PPP1R8: variants seen among roughly 807,000 people sequenced by gnomAD.
PPP1R8 encodes nuclear inhibitor of protein phosphatase 1.
In PPP1R8, 4 loss-of-function variants were observed where a neutral mutation model predicts 31.3. The observed-to-expected ratio is 0.13, with a 90% CI of 0.06 to 0.29. The LOEUF (loss-of-function observed/expected upper bound fraction) is 0.29. PPP1R8 is among the 10% of genes least tolerant of loss of function. The probability of loss-of-function intolerance (pLI) is 1.00; values close to 1 mark genes in which losing one functional copy is unlikely to be tolerated. For synonymous variants in PPP1R8, 170 were observed against 169.7 expected, an observed-to-expected ratio of 1.00 and a Z score of -0.01; for missense variants, 254 against 440.1, an observed-to-expected ratio of 0.58 and a Z score of 3.78.
At chr1:27,846,267 G>A (rs2089279497) in intron 5 of PPP1R8, among the ~76,000 whole-genome samples, 1 of 152,208 alleles carries the variant, frequency 6.6e-6, no homozygotes, top group African/African-American at 2.4e-5. Flanking sequence ...AACCTTCAGT[G>A]AGAAAACTCC....
intron 1 of PPP1R8, chr1:27,831,310 C>G (rs1285733306): frequency 7.9e-5 from 79 of 997,446 alleles, no homozygotes; most frequent in Non-Finnish European, 9.3e-5. Context: ...CCGCATCCCT[C>G]TGTGGTTGCT....
At chr1:27,839,138 A>G (rs1020842481) in intron 3 of PPP1R8, among the ~76,000 whole-genome samples, 2 of 152,100 alleles carry the variant, frequency 1.3e-5, no homozygotes, top group African/African-American at 4.8e-5. Context: ...CGGGAGGATC[A>G]CTTGAGCCCA....
rs564749187 is a variant in PPP1R8 at position 27,841,075 on chromosome 1, C to T, written c.333C>T (p.Ile111=). The change falls in exon 4 of 7, where the codon ATC becomes ATT. Residue 111 remains isoleucine, a synonymous_variant. Transcript: ENST00000311772. ...CTCACAAGCCTCAGCAAATTCCCATCGATTCCACGGTCTCATTTGGCGCAT... is the reference window on the plus strand; with the variant it reads ...CTCACAAGCCTCAGCAAATTCCCATTGATTCCACGGTCTCATTTGGCGCAT... ...LEPHKPQQIP[I]DSTVSFGAST... The T allele has an allele frequency of 8.7e-6, 14 of 1,614,156 alleles. No homozygotes were observed. Among genetic ancestry groups the T allele is most frequent in the South Asian group, 4.4e-5 (4 of 91,078 alleles).
chr1:27,836,179 T>TTA (rs2148615194), intron 2 of PPP1R8, among the ~76,000 whole-genome samples: 1 of 152,312 alleles, frequency 6.6e-6, no homozygotes, highest in Non-Finnish European at 1.5e-5. Context: ...TGAACTAGCG[T>TTA]TTAATGAGAC....
intron 4 of PPP1R8, among the ~76,000 whole-genome samples, chr1:27,842,730 A>T (rs1240421510): frequency 6.6e-6 from 1 of 152,196 alleles, no homozygotes; most frequent in Non-Finnish European, 1.5e-5. Context: ...TTTGAAGGAG[A>T]AAGCTACTAG....
chr1:27,842,278 G>T (rs2089229732), intron 4 of PPP1R8, among the ~76,000 whole-genome samples: 1 of 151,030 alleles, frequency 6.6e-6, no homozygotes, highest in African/African-American at 2.4e-5. Flanking sequence ...GGAGGTGGAG[G>T]TTGTGGTGAG....
rs2089325372 is a variant in PPP1R8 at position 27,850,032 on chromosome 1, T to C, written c.703-61T>C. 3 of 1,460,514 alleles carry C rather than the reference T, an allele frequency of 2.1e-6. No homozygotes were observed. The Admixed American group carries it at 6.8e-5, about 33-fold the overall frequency. 90.5% of individuals were successfully genotyped at this position (1,460,514 alleles called of 1,614,324 possible). ...CTGGAATAGAAAAAGCTAACCACTC[T>C]TGGGCCTCACCTCTTGTCTTCTCTC... On this transcript the variant is annotated intron_variant, in intron 6 of 6. Transcript: ENST00000311772.
intron 6 of PPP1R8, 150 bp from the exon 7 acceptor site, chr1:27,849,943 G>A: frequency 1.5e-6 from 1 of 684,318 alleles, no homozygotes; most frequent in Non-Finnish European, 2.5e-6. Flanking sequence ...TCATGAAATA[G>A]GTTGTCTGGA....
At chr1:27,834,510 G>C (rs745362100) in intron 2 of PPP1R8, 2 of 519,000 alleles carry the variant, frequency 3.9e-6, no homozygotes, top group Admixed American at 3.9e-5. Context: ...AAAGCCATGA[G>C]TCTTTTAAGC....
At chr1:27,847,744 C>T (rs2089299776) in intron 6 of PPP1R8, among the ~76,000 whole-genome samples, 1 of 151,914 alleles carries the variant, frequency 6.6e-6, no homozygotes, top group African/African-American at 2.4e-5. Flanking sequence ...AAAAAATAAC[C>T]TGCTCTTTAT....
Position 27,830,856 on chromosome 1 carries a change from C to A in PPP1R8, c.21C>A (p.Ser7=), listed in dbSNP as rs372091355. The change falls in exon 1 of 7, where the codon TCC becomes TCA. Residue 7 remains serine (S), a synonymous_variant. Transcript: ENST00000311772. MAAAAN[S]GSSLPLFDCP... ...GCAAGATGGCGGCAGCCGCGAACTC[C>A]GGCTCTAGCCTCCCGCTGTTCGACT... 1.9e-6 allele frequency: 3 copies of A among 1,575,952 alleles called. No homozygotes were observed. Among genetic ancestry groups the A allele is most frequent in the East Asian group, 2.3e-5 (1 of 42,574 alleles).
chr1:27,851,272 TTGGAAGTAAC>T lies in PPP1R8; in HGVS notation c.*830_*839del, dbSNP rs1334733671. 1 of 293,714 alleles carries T rather than the reference TTGGAAGTAAC, an allele frequency of 3.4e-6. No individual in the cohort carries two copies. The highest frequency in any genetic ancestry group is 6.8e-6 in the Non-Finnish European group (1 of 147,444). The allele number at this position is 293,714 out of a possible 1,614,324, so 18.2% of individuals were successfully genotyped here. ...TCAAATTAAAAAGGAAAAGATTTGT[TTGGAAGTAAC>T]TGGTGTCTCTAAGAGGAATTTTTAG... On this transcript the variant is annotated 3_prime_UTR_variant, in exon 7 of 7. Transcript: ENST00000311772.
chr1:27,850,693 C>G lies in PPP1R8; in HGVS notation c.*247C>G, dbSNP rs1215063523. The G allele has an allele frequency of 4.8e-6, 2 of 417,526 alleles. No individual in the cohort carries two copies. The highest frequency in any genetic ancestry group is 8.6e-6 in the Non-Finnish European group (2 of 233,632). The allele number at this position is 417,526 out of a possible 1,614,324, so 25.9% of individuals were successfully genotyped here. A position where few individuals can be genotyped will look rare whatever the true frequency, so the allele number is the denominator to read the frequency against. On this transcript the variant is annotated 3_prime_UTR_variant, in exon 7 of 7. Transcript: ENST00000311772. ...TCCTTTTCAATAGACTGCCCTGGCT[C>G]TTTCCTAGGCCTTCCACTACCTCCT...
rs892875947 is a variant in PPP1R8 at position 27,850,677 on chromosome 1, A to G, written c.*231A>G. 8 of 474,106 alleles carry G rather than the reference A, an allele frequency of 1.7e-5. No homozygotes were observed. Among genetic ancestry groups the G allele is most frequent in the African/African-American group, 1.3e-4 (7 of 51,974 alleles). 29.4% of individuals were successfully genotyped at this position (474,106 alleles called of 1,614,324 possible). ...AGAAAGGCTTCTTATATCCTTTTCAATAGACTGCCCTGGCTCTTTCCTAGG... is the reference window on the plus strand; with the variant it reads ...AGAAAGGCTTCTTATATCCTTTTCAGTAGACTGCCCTGGCTCTTTCCTAGG... On this transcript the variant is annotated 3_prime_UTR_variant, in exon 7 of 7. Transcript: ENST00000311772.
At position 27,850,087 on chromosome 1, in the gene PPP1R8, C is replaced by T. The variant is rs2089326182; in HGVS notation, c.703-6C>T. On this transcript the variant is annotated splice_polypyrimidine_tract_variant and splice_region_variant and intron_variant, in intron 6 of 6. Coordinates refer to ENST00000311772, the MANE Select transcript of PPP1R8 (RefSeq NM_014110.5). ...ATCTCTCCCCTCTCCTCATCGTGAA[C>T]TGTAGAAGAAGCGTGTGGAGGGCCC... 4.3e-5 allele frequency: 66 copies of T among 1,550,006 alleles called. No homozygotes were observed. The highest frequency in any genetic ancestry group is 5.7e-5 in the Non-Finnish European group (65 of 1,146,708).
At chr1:27,832,420 T>A (rs2089119332) in intron 1 of PPP1R8, among the ~76,000 whole-genome samples, 2 of 152,184 alleles carry the variant, frequency 1.3e-5, no homozygotes, top group Admixed American at 1.3e-4. Context: ...GGATTTCAGA[T>A]TCAAACTCCA....
intron 3 of PPP1R8, among the ~76,000 whole-genome samples, chr1:27,840,556 T>G (rs2089212948): frequency 6.6e-6 from 1 of 152,194 alleles, no homozygotes; most frequent in South Asian, 2.1e-4. Context: ...TCTTTTGACT[T>G]GGAGCTGGAG....
In PPP1R8 at chr1:27,847,092, G is replaced by C; in HGVS notation, c.702G>C (p.Lys234Asn). 1 of 1,613,498 alleles carries C rather than the reference G, an allele frequency of 6.2e-7. No individual in the cohort carries two copies. The highest frequency in any genetic ancestry group is 8.5e-7 in the Non-Finnish European group (1 of 1,179,462). ...TGCAAACTGCAGTGGTCCCAGTCAAGGTAGGAAGCACATGAAATGCCATAC... is the reference window on the plus strand; with the variant it reads ...TGCAAACTGCAGTGGTCCCAGTCAACGTAGGAAGCACATGAAATGCCATAC... Reference protein sequence around the residue: ...NMVQTAVVPVKKKRVEGPGSL... With the variant: ...NMVQTAVVPVNKKRVEGPGSL... Residue 234 changes from lysine to asparagine, a missense_variant and splice_region_variant, in exon 6 of 7, where the codon AAG (lysine) becomes AAC (asparagine). By Grantham distance (94) the Lys-to-Asn change is moderately conservative. This residue lies in a region of PPP1R8 where 105 missense variants were observed against 128.0 expected (regional missense o/e 0.82). Transcript: ENST00000311772.
At position 27,850,482 on chromosome 1, in the gene PPP1R8, G is replaced by GGGGGGTTTGGGGGGGC; in HGVS notation, c.*36_*37insGGGGGTTTGGGGGGGC. 2.0e-6 allele frequency: 1 copy of GGGGGGTTTGGGGGGGC among 511,100 alleles called. No individual in the cohort carries two copies. Among genetic ancestry groups the GGGGGGTTTGGGGGGGC allele is most frequent in the Non-Finnish European group, 3.9e-6 (1 of 253,774 alleles). The allele number at this position is 511,100 out of a possible 1,614,324, so 31.7% of individuals were successfully genotyped here. A position where few individuals can be genotyped will look rare whatever the true frequency, so the allele number is the denominator to read the frequency against. ...CATGGAGAAGGGTGGGATTGGGTGG[G>GGGGGGTTTGGGGGGGC]AATGGGGTGGAAGGGTGATGGGGAG... On this transcript the variant is annotated 3_prime_UTR_variant, in exon 7 of 7. Coordinates refer to ENST00000311772, the MANE Select transcript of PPP1R8 (RefSeq NM_014110.5).
Sources: allele counts gnomAD v4.1 joint callset (sites outside exome capture counted in the v4.1 genomes callset), GRCh38; gene constraint gnomAD v4.1.1; regional missense constraint gnomAD v4.1.1; transcripts MANE v1.5; gene names NCBI Gene and HGNC (gene_info 2026-07-23, HGNC 2026-07-21).